GRM8: variants seen among roughly 807,000 people sequenced by gnomAD.
GRM8 encodes the protein glutamate metabotropic receptor 8, also known as metabotropic glutamate receptor 8.
In GRM8, 47 loss-of-function variants were observed where a neutral mutation model predicts 87.2. The observed-to-expected ratio is 0.54, with a 90% CI of 0.43 to 0.69. GRM8 has a LOEUF of 0.69. Ranked by LOEUF, GRM8 falls within the 30% of genes least tolerant of loss-of-function variation. The pLI, the probability that GRM8 is intolerant of heterozygous loss-of-function variation, is 0.00. For missense variants in GRM8, 1,019 were observed against 1,139.2 expected (o/e 0.89, Z 1.52); for synonymous variants, 396 against 404.5 (o/e 0.98, Z 0.25).
At chr7:127,008,949 T>C (rs544153784) in intron 3 of GRM8, among the ~76,000 whole-genome samples, 49 of 152,282 alleles carry the variant, frequency 3.2e-4, no homozygotes, top group Admixed American at 3.0e-3. Context: ...ACATAACACA[T>C]GCCACCATCT....
intron 8 of GRM8, among the ~76,000 whole-genome samples, chr7:126,562,180 A>T (rs13241597): frequency 0.2 from 29,684 of 152,090 alleles, 3,435 homozygotes; most frequent in East Asian, 0.31. Context: ...GGTCATTAAA[A>T]AGAGTGAACT....
intron 2 of GRM8, among the ~76,000 whole-genome samples, chr7:127,234,194 C>G (rs914494898): frequency 6.6e-6 from 1 of 152,172 alleles, no homozygotes; most frequent in Non-Finnish European, 1.5e-5. Context: ...GTAGCTGAGA[C>G]AAATCATAGC....
intron 2 of GRM8, among the ~76,000 whole-genome samples, chr7:127,108,920 C>A (rs1025122147): frequency 2.0e-5 from 3 of 152,128 alleles, no homozygotes; most frequent in Non-Finnish European, 4.4e-5. Context: ...CAATAATACA[C>A]ATCAGGGTAT....
At chr7:127,038,839 G>T (rs143787666) in intron 3 of GRM8, among the ~76,000 whole-genome samples, 148 of 152,290 alleles carry the variant, frequency 9.7e-4, no homozygotes, top group African/African-American at 2.9e-3. Context: ...CTAACAACTA[G>T]AAATAATGAC....
rs76113976 is a variant in GRM8 at position 126,729,412 on chromosome 7, C to A, written c.1357+40453G>T. ...GAAGATAACTATCTCAGCTTCCTTA[C>A]CCCTTGGGTGGAAAAATTAAGGCCA... On this transcript the variant is annotated intron_variant, in intron 7 of 10. Coordinates refer to ENST00000339582, the MANE Select transcript of GRM8 (RefSeq NM_000845.3). Among the ~76,000 whole-genome samples, 755 of 152,274 alleles carry A rather than the reference C, an allele frequency of 5.0e-3. 9 individuals are homozygous for A. The highest frequency in any genetic ancestry group is 0.017 in the African/African-American group (721 of 41,556).
At chr7:126,826,432 T>C (rs894368473) in intron 6 of GRM8, among the ~76,000 whole-genome samples, 1 of 152,222 alleles carries the variant, frequency 6.6e-6, no homozygotes, top group Non-Finnish European at 1.5e-5. Context: ...TGAGATGGTA[T>C]CTCATTGTGG....
At chr7:127,202,988 A>T (rs1200212104) in intron 2 of GRM8, among the ~76,000 whole-genome samples, 1 of 152,200 alleles carries the variant, frequency 6.6e-6, no homozygotes, top group Non-Finnish European at 1.5e-5. Flanking sequence ...ATTTCCTCAC[A>T]TTTAATTAGA....
At chr7:126,767,442 C>A (rs1437297136) in intron 7 of GRM8, among the ~76,000 whole-genome samples, 2 of 152,044 alleles carry the variant, frequency 1.3e-5, no homozygotes, top group African/African-American at 4.8e-5. Context: ...CATATGACAC[C>A]TTTCTTTTGG....
chr7:126,540,919 T>G (rs1225684195), intron 8 of GRM8, among the ~76,000 whole-genome samples: 1 of 152,228 alleles, frequency 6.6e-6, no homozygotes, highest in Non-Finnish European at 1.5e-5. Context: ...GGCGTGTAAG[T>G]TATCTCTATA....
At chr7:127,072,065 G>A (rs759595978) in intron 3 of GRM8, among the ~76,000 whole-genome samples, 6 of 151,834 alleles carry the variant, frequency 4.0e-5, no homozygotes, top group African/African-American at 4.8e-5. Flanking sequence ...TCTTCCCACC[G>A]AGACATGGTG....
chr7:126,886,900 G>C (rs1800552153), intron 6 of GRM8, among the ~76,000 whole-genome samples: 1 of 152,070 alleles, frequency 6.6e-6, no homozygotes, highest in Non-Finnish European at 1.5e-5. Flanking sequence ...GAGTGGCAAT[G>C]AAATAATGTA....
chr7:126,622,146 C>T (rs1389431521), intron 7 of GRM8, among the ~76,000 whole-genome samples: 1 of 152,116 alleles, frequency 6.6e-6, no homozygotes, highest in African/African-American at 2.4e-5. Flanking sequence ...AAGACCAGGA[C>T]TAGGCTGAGG....
chr7:126,623,955 A>G (rs1475171019), intron 7 of GRM8, among the ~76,000 whole-genome samples: 1 of 152,114 alleles, frequency 6.6e-6, no homozygotes, highest in African/African-American at 2.4e-5. Flanking sequence ...CCCCCTGCTC[A>G]AAAAAGCTTA....
chr7:126,517,846 A>G (rs764425233), intron 9 of GRM8, among the ~76,000 whole-genome samples: 8 of 152,046 alleles, frequency 5.3e-5, no homozygotes, highest in Non-Finnish European at 1.0e-4. Context: ...AGGATTTTCA[A>G]CCAAAGGAAG....
intron 3 of GRM8, among the ~76,000 whole-genome samples, chr7:126,948,199 T>C (rs1807752473): frequency 6.6e-6 from 1 of 151,918 alleles, no homozygotes; most frequent in Non-Finnish European, 1.5e-5. Context: ...TAGACAGGAA[T>C]TTATGGGATG....
At chr7:126,921,262 G>C (rs1216617414) in intron 3 of GRM8, among the ~76,000 whole-genome samples, 1 of 152,228 alleles carries the variant, frequency 6.6e-6, no homozygotes, top group African/African-American at 2.4e-5. Flanking sequence ...TTAAAAAGGA[G>C]ATGATAGAAA....
At chr7:127,192,236 A>G (rs1795066259) in intron 2 of GRM8, among the ~76,000 whole-genome samples, 1 of 152,256 alleles carries the variant, frequency 6.6e-6, no homozygotes, top group African/African-American at 2.4e-5. Flanking sequence ...AAAGAAGAAC[A>G]TATGTTTTAT....
At chr7:126,664,264 T>G (rs1259424696) in intron 7 of GRM8, among the ~76,000 whole-genome samples, 2 of 152,086 alleles carry the variant, frequency 1.3e-5, no homozygotes, top group Non-Finnish European at 2.9e-5. Context: ...CAATGTTATC[T>G]CTCATAGAGT....
At chr7:126,997,870 C>T (rs1813338888) in intron 3 of GRM8, among the ~76,000 whole-genome samples, 2 of 151,714 alleles carry the variant, frequency 1.3e-5, no homozygotes, top group Admixed American at 6.6e-5. Context: ...AGAACTAATA[C>T]CAATCTTACT....
Sources: allele counts gnomAD v4.1 joint callset (sites outside exome capture counted in the v4.1 genomes callset), GRCh38; gene constraint gnomAD v4.1.1; transcripts MANE v1.5; gene names NCBI Gene and HGNC (gene_info 2026-07-23, HGNC 2026-07-21).